MED12: variants seen among roughly 807,000 people sequenced by gnomAD.
MED12 encodes mediator complex subunit 12.
In MED12, 10 loss-of-function variants were observed where a neutral mutation model predicts 177.7. The ratio of observed to expected loss-of-function variants is 0.06; its 90% CI spans 0.03 to 0.10. The LOEUF (loss-of-function observed/expected upper bound fraction) is 0.10. Ranked by LOEUF, MED12 falls within the 10% of genes least tolerant of loss-of-function variation. The pLI is 1.00. For missense variants in MED12, 867 were observed against 1,780.8 expected (o/e 0.49, Z 9.23); for synonymous variants, 641 against 678.4 (o/e 0.94, Z 0.86).
Position 71,133,228 on chromosome X carries a change from G to A in MED12, c.4617+16G>A. 2.6e-6 allele frequency: 3 copies of A among 1,132,622 alleles called. No individual in the cohort carries two copies. Among genetic ancestry groups the A allele is most frequent in the Non-Finnish European group, 3.6e-6 (3 of 823,568 alleles). The allele number at this position is 1,132,622 out of a possible 1,213,427, so 93.3% of individuals were successfully genotyped here. A position where few individuals can be genotyped will look rare whatever the true frequency, so the allele number is the denominator to read the frequency against. On this transcript the variant is annotated intron_variant, in intron 33 of 44. Coordinates refer to ENST00000374080, the MANE Select transcript of MED12 (RefSeq NM_005120.3). Reference sequence around the variant, plus strand: ...GCTCAACCTGGTGAGAAGGCCAGCTGGGGAGAAGAAGGAAGAGGGTAGGGC... The same window carrying A: ...GCTCAACCTGGTGAGAAGGCCAGCTAGGGAGAAGAAGGAAGAGGGTAGGGC...
chrX:71,121,737 C>T lies in MED12; in HGVS notation c.1022C>T (p.Thr341Ile), dbSNP rs774518546. ...GCTCCTCAGCCCCCAACTAGCAGCA[C>T]ACCCTCGACTCCCTTTAGTGACCTG... ...TPAPQPPTSS[T>I]PSTPFSDLLM... Residue 341 changes from threonine to isoleucine, a missense_variant, in exon 7 of 45, where the codon ACA becomes ATA. By Grantham distance (89) the Thr-to-Ile change is moderately conservative. This residue lies in a region of MED12 where 309 missense variants were observed against 556.3 expected (regional missense o/e 0.56). Coordinates refer to ENST00000374080, the MANE Select transcript of MED12 (RefSeq NM_005120.3). The T allele has an allele frequency of 5.0e-6, 6 of 1,211,424 alleles. No homozygotes were observed. The highest frequency in any genetic ancestry group is 3.0e-5 in the East Asian group (1 of 33,849).
In MED12 at chrX:71,118,673, C is replaced by A. The variant is rs748336778; in HGVS notation, c.-82C>A. Reference sequence around the variant, plus strand: ...CCGCCGTCCTCTCAACCACCGCCCCCCTTTTCGGCTCCCTCTCCCCCTTCC... The same window carrying A: ...CCGCCGTCCTCTCAACCACCGCCCCACTTTTCGGCTCCCTCTCCCCCTTCC... On this transcript the variant is annotated 5_prime_UTR_variant, in exon 1 of 45. Transcript: ENST00000374080. 4 of 925,991 alleles carry A rather than the reference C, an allele frequency of 4.3e-6. No homozygotes were observed. Among genetic ancestry groups the A allele is most frequent in the East Asian group, 3.4e-5 (1 of 29,788 alleles). The allele number at this position is 925,991 out of a possible 1,213,427, so 76.3% of individuals were successfully genotyped here. A position where few individuals can be genotyped will look rare whatever the true frequency, so the allele number is the denominator to read the frequency against.
At chrX:71,120,836 C>T (rs1910143012) in intron 4 of MED12, 135 bp from the exon 5 acceptor site, 3 of 751,439 alleles carry the variant, frequency 4.0e-6, no homozygotes, top group South Asian at 2.4e-5. Flanking sequence ...TCTCGAACTC[C>T]TGACCTCGTG....
At chrX:71,134,091 C>T (rs1353366759) in intron 33 of MED12, among the ~76,000 whole-genome samples, 5 of 109,501 alleles carry the variant, frequency 4.6e-5, no homozygotes, top group African/African-American at 1.3e-4. Flanking sequence ...ATTAGCTGGG[C>T]GTGGTGGCAG....
rs770487966 is a variant in MED12 at position 71,128,584 on chromosome X, G to T, written c.3355-14G>T. ...CCACACTGAGTCATGGTGTCTGTCT[G>T]TTTTTTCCTCCAGGTCAGTGACCTA... On this transcript the variant is annotated splice_polypyrimidine_tract_variant and intron_variant, in intron 23 of 44. Transcript: ENST00000374080. The T allele has an allele frequency of 1.4e-5, 17 of 1,208,818 alleles. No individual in the cohort carries two copies. In the African/African-American group the frequency reaches 2.5e-4, roughly 17 times the overall value.
Position 71,119,817 on chromosome X carries a change from C to T in MED12, c.336C>T (p.Ala112=). 8.3e-7 allele frequency: 1 copy of T among 1,211,362 alleles called. No individual in the cohort carries two copies. The highest frequency in any genetic ancestry group is 2.2e-5 in the Admixed American group (1 of 46,005). The stretch of plus-strand genomic sequence containing the variant: ...TGGTGACTGCACGATCCCAGAGTGC[C>T]ATTAACACTTGGTTCACTGACTTGG... The part of the protein sequence containing the change: ...FWLVTARSQS[A]INTWFTDLAG... The change falls in exon 3 of 45, where the codon GCC becomes GCT. Residue 112 remains alanine (A), a synonymous_variant. Transcript: ENST00000374080.
chrX:71,125,380 G>A lies in MED12; in HGVS notation c.2256G>A (p.Gln752=). ...AGTCATGCAGCCATGAGTGCAACCAGCGGTTGGTCGTACTGTTTGGGGTGG... is the reference window on the plus strand; with the variant it reads ...AGTCATGCAGCCATGAGTGCAACCAACGGTTGGTCGTACTGTTTGGGGTGG... The part of the protein sequence containing the change: ...QEESCSHECN[Q]RLVVLFGVGK... The change falls in exon 16 of 45, where the codon CAG becomes CAA. Residue 752 remains glutamine, a synonymous_variant. Coordinates refer to ENST00000374080, the MANE Select transcript of MED12 (RefSeq NM_005120.3). The A allele has an allele frequency of 8.3e-7, 1 of 1,211,086 alleles. No homozygotes were observed. The highest frequency in any genetic ancestry group is 1.1e-6 in the Non-Finnish European group (1 of 895,308).
At chrX:71,141,494 A>C in intron 43 of MED12, 124 bp downstream of exon 43, 2 of 955,173 alleles carry the variant, frequency 2.1e-6, no homozygotes, top group Non-Finnish European at 2.9e-6. Context: ...GGCACCCTAA[A>C]AATGGATTGG....
Position 71,128,636 on chromosome X carries a change from T to C in MED12, c.3393T>C (p.Phe1131=), listed in dbSNP as rs1392356615. The part of the protein sequence containing the change: ...DLSFHDSLAT[F]VAILIARQCL... ...CTTTTCATGACTCGCTGGCTACTTTTGTTGCCATCCTCATCGCTCGGCAGT... is the reference window on the plus strand; with the variant it reads ...CTTTTCATGACTCGCTGGCTACTTTCGTTGCCATCCTCATCGCTCGGCAGT... Residue 1131 remains phenylalanine (F), a synonymous_variant, in exon 24 of 45, where the codon TTT becomes TTC. Coordinates refer to ENST00000374080, the MANE Select transcript of MED12 (RefSeq NM_005120.3). The C allele has an allele frequency of 4.1e-6, 5 of 1,210,761 alleles. No homozygotes were observed. The South Asian group carries it at 7.0e-5, about 17-fold the overall frequency.
chrX:71,125,316 C>G (rs1035313311), intron 15 of MED12, 35 bp from the exon 16 acceptor site: 2 of 1,206,943 alleles, frequency 1.7e-6, no homozygotes, highest in East Asian at 3.0e-5. Context: ...GGAAGGAGAT[C>G]GGTGCTGGAG....
intron 20 of MED12, 56 bp downstream of exon 20, chrX:71,127,188 G>A: frequency 8.6e-7 from 1 of 1,168,761 alleles, no homozygotes; most frequent in African/African-American, 1.8e-5. Context: ...CGGTGGAAGT[G>A]GCCTGGGAAG....
intron 41 of MED12, among the ~76,000 whole-genome samples, chrX:71,139,052 A>T (rs182769954): frequency 8.9e-6 from 1 of 112,076 alleles, no homozygotes; most frequent in East Asian, 2.8e-4. Context: ...TAGCAAAAAA[A>T]ACCCCCACGA....
intron 41 of MED12, among the ~76,000 whole-genome samples, chrX:71,139,502 G>A (rs1284411697): frequency 9.0e-6 from 1 of 110,563 alleles, no homozygotes; most frequent in African/African-American, 3.3e-5. Flanking sequence ...TTGAGACGCA[G>A]TCCCAGAAAG....
rs138689025 is a variant in MED12, at chrX:71,130,748, T to C, written c.4047+534T>C. The stretch of plus-strand genomic sequence containing the variant: ...TAGAGTCAATATGTGAACCCAGACA[T>C]GTCTGTGCACTTTCCTCTTCACATT... On this transcript the variant is annotated intron_variant, in intron 28 of 44. Coordinates refer to ENST00000374080, the MANE Select transcript of MED12 (RefSeq NM_005120.3). Among the ~76,000 whole-genome samples the C allele has an allele frequency of 6.6e-3, 746 of 112,674 alleles. 17 individuals are homozygous for C. The highest frequency in any genetic ancestry group is 0.065 in the Admixed American group (696 of 10,651).
intron 1 of MED12, 72 bp from the exon 2 acceptor site, chrX:71,119,301 C>T: frequency 1.4e-6 from 1 of 728,838 alleles, no homozygotes; most frequent in Non-Finnish European, 2.1e-6. Flanking sequence ...CTTCTTTTCT[C>T]CTGCCCTACT....
chrX:71,129,062 C>A, intron 24 of MED12, 52 bp from the exon 25 acceptor site: 1 of 1,012,601 alleles, frequency 9.9e-7, no homozygotes, highest in Non-Finnish European at 1.4e-6. Context: ...ACACATAAAC[C>A]CACATACAGT....
Position 71,136,453 on chromosome X carries a change from G to A in MED12, c.5198G>A (p.Arg1733Gln), listed in dbSNP as rs754537871. ...LLLYHTHLRP[R>Q]PRAYYLEPLP... Reference sequence around the variant, plus strand: ...CTCTACCACACACACCTGAGGCCCCGGCCCCGCGCCTATTACCTGGAGCCA... The same window carrying A: ...CTCTACCACACACACCTGAGGCCCCAGCCCCGCGCCTATTACCTGGAGCCA... Residue 1733 changes from arginine to glutamine, a missense_variant, in exon 37 of 45, where the codon CGG (arginine) becomes CAG (glutamine). Coordinates refer to ENST00000374080, the MANE Select transcript of MED12 (RefSeq NM_005120.3). 9.1e-6 allele frequency: 11 copies of A among 1,209,486 alleles called. No homozygotes were observed. Among genetic ancestry groups the A allele is most frequent in the African/African-American group, 1.7e-5 (1 of 57,540 alleles).
rs2147790051 is a variant in MED12, at chrX:71,124,384, T to C, written c.1970T>C (p.Leu657Pro). The C allele has an allele frequency of 1.7e-6, 2 of 1,179,234 alleles. No individual in the cohort carries two copies. The highest frequency in any genetic ancestry group is 2.3e-6 in the Non-Finnish European group (2 of 870,398). The stretch of plus-strand genomic sequence containing the variant: ...GCTGAAGGCAGCAGCAGCAGCAAGC[T>C]GGAAGTGAGTGGGCTTTTCCTTGCA... Reference protein sequence around the residue: ...KEAEGSSSSKLEDPGLSESMD... With the variant: ...KEAEGSSSSKPEDPGLSESMD... Residue 657 changes from leucine (L) to proline (P), a missense_variant, in exon 13 of 45, where the codon CTG becomes CCG. Transcript: ENST00000374080.
intron 28 of MED12, among the ~76,000 whole-genome samples, chrX:71,130,672 G>A (rs771410970): frequency 8.9e-6 from 1 of 112,760 alleles, no homozygotes; most frequent in East Asian, 2.8e-4. Flanking sequence ...TGAGGAAACT[G>A]AGGCTTGAAG....
Sources: gnomAD v4.1 joint callset for allele counts (sites outside exome capture counted in the v4.1 genomes callset) on GRCh38, gnomAD v4.1.1 for gene constraint, gnomAD v4.1.1 regional missense constraint, MANE v1.5 for transcripts, NCBI Gene and HGNC (gene_info 2026-07-23, HGNC 2026-07-21) for gene names.